Variants in RELN observed in about 807,000 individuals in gnomAD.
RELN encodes reelin.
RELN carries 108 observed loss-of-function variants against 427.6 expected under a neutral mutation model. The ratio of observed to expected loss-of-function variants is 0.25; its 90% confidence interval spans 0.22 to 0.30. RELN has a LOEUF of 0.30. RELN is among the 10% of genes least tolerant of loss of function. The probability of loss-of-function intolerance (pLI) is 1.00; values close to 1 mark genes in which losing one functional copy is unlikely to be tolerated. For synonymous variants in RELN, 1,524 were observed against 1,513.4 expected, an observed-to-expected ratio of 1.01 and a Z score of -0.16; for missense variants, 3,715 against 4,302.8, an observed-to-expected ratio of 0.86 and a Z score of 3.82.
At chr7:103,601,890 A>T (rs1317325829) in intron 24 of RELN, among the ~76,000 whole-genome samples, 22 of 152,164 alleles carry the variant, frequency 1.4e-4, no homozygotes, top group Admixed American at 1.2e-3. Flanking sequence ...CTGCATGCCT[A>T]ATCTGGTGCT....
At chr7:103,980,496 T>C (rs192453651) in intron 1 of RELN, among the ~76,000 whole-genome samples, 92 of 152,324 alleles carry the variant, frequency 6.0e-4, no homozygotes, top group African/African-American at 2.1e-3. Context: ...AGTTTTATTA[T>C]TTATTATTAT....
At chr7:103,744,029 C>A (rs1037181626) in intron 6 of RELN, among the ~76,000 whole-genome samples, 16 of 152,238 alleles carry the variant, frequency 1.1e-4, no homozygotes, top group African/African-American at 3.9e-4. Context: ...CACTCCTCAG[C>A]AAATGTAAAA....
At chr7:103,790,541 C>T (rs1443814542) in intron 3 of RELN, among the ~76,000 whole-genome samples, 1 of 152,084 alleles carries the variant, frequency 6.6e-6, no homozygotes, top group Non-Finnish European at 1.5e-5. Context: ...GTTTGTGTCC[C>T]ACCCTCCGCC....
In RELN at chr7:103,497,986, G is replaced by C. The variant is rs1353424280; in HGVS notation, c.8844-60C>G. The C allele has an allele frequency of 1.9e-6, 3 of 1,599,484 alleles. No homozygotes were observed. In the Admixed American group the frequency reaches 5.0e-5, roughly 27 times the overall value. On this transcript the variant is annotated intron_variant, in intron 54 of 64. Transcript: ENST00000428762. The stretch of plus-strand genomic sequence containing the variant: ...TCATTAGAACAAATACTCTACTCAA[G>C]TCCTGGATAATTTCTTCCATACAAG...
intron 17 of RELN, 79 bp from the exon 18 acceptor site, chr7:103,636,547 A>C: frequency 1.1e-6 from 1 of 910,686 alleles, no homozygotes; most frequent in Non-Finnish European, 1.8e-6. Context: ...GGGAGGAAGA[A>C]GTCCAGAGAC....
chr7:103,631,331 T>C (rs556967964), intron 19 of RELN, among the ~76,000 whole-genome samples: 3 of 130,588 alleles, frequency 2.3e-5, no homozygotes, highest in African/African-American at 8.6e-5. Context: ...TCTTGCGCTG[T>C]TGCCCAGGCT....
intron 51 of RELN, among the ~76,000 whole-genome samples, chr7:103,510,161 A>G (rs1481015499): frequency 6.6e-6 from 1 of 152,246 alleles, no homozygotes; most frequent in Non-Finnish European, 1.5e-5. Flanking sequence ...AGGATTATAA[A>G]TCATTCTACT....
intron 1 of RELN, among the ~76,000 whole-genome samples, chr7:103,937,051 T>C (rs922220321): frequency 6.6e-6 from 1 of 152,234 alleles, no homozygotes; most frequent in African/African-American, 2.4e-5. Context: ...TTTTCATCTT[T>C]ATTTTACCCT....
At chr7:103,891,633 T>A (rs1057366518) in intron 2 of RELN, among the ~76,000 whole-genome samples, 1 of 152,194 alleles carries the variant, frequency 6.6e-6, no homozygotes, top group Non-Finnish European at 1.5e-5. Flanking sequence ...TCACTTGGAA[T>A]TGTTGCACCT....
chr7:103,951,760 C>T (rs1796336564), intron 1 of RELN, among the ~76,000 whole-genome samples: 1 of 152,058 alleles, frequency 6.6e-6, no homozygotes, highest in South Asian at 2.1e-4. Context: ...GCAATCTCCA[C>T]CTCCCAGGTT....
intron 1 of RELN, among the ~76,000 whole-genome samples, chr7:103,976,761 T>A (rs1796887153): frequency 6.6e-6 from 1 of 152,134 alleles, no homozygotes; most frequent in Non-Finnish European, 1.5e-5. Context: ...AGCATTAGAA[T>A]GGTCAACCTC....
intron 24 of RELN, among the ~76,000 whole-genome samples, chr7:103,602,203 A>G (rs1831687054): frequency 6.6e-6 from 1 of 152,232 alleles, no homozygotes; most frequent in Admixed American, 6.5e-5. Flanking sequence ...TAATCTACAT[A>G]CTAACCCTCA....
At chr7:103,716,109 C>T (rs934851852) in intron 8 of RELN, among the ~76,000 whole-genome samples, 1 of 152,208 alleles carries the variant, frequency 6.6e-6, no homozygotes, top group African/African-American at 2.4e-5. Context: ...GTTCTTCCTA[C>T]AGGGTGCCAT....
At chr7:103,528,585 A>G (rs1416624934) in intron 46 of RELN, among the ~76,000 whole-genome samples, 1 of 151,966 alleles carries the variant, frequency 6.6e-6, no homozygotes, top group African/African-American at 2.4e-5. Flanking sequence ...CTGCAGTGCA[A>G]TGGCATGATC....
intron 2 of RELN, among the ~76,000 whole-genome samples, chr7:103,835,166 C>A (rs912002396): frequency 6.6e-6 from 1 of 152,078 alleles, no homozygotes; most frequent in Admixed American, 6.5e-5. Context: ...ACTTAATATG[C>A]GTATTACCAA....
chr7:103,744,802 C>T (rs1309602973), intron 6 of RELN, among the ~76,000 whole-genome samples: 3 of 95,262 alleles, frequency 3.1e-5, no homozygotes, highest in Admixed American at 1.9e-4. Context: ...AAGTCCAGGA[C>T]CAGATGGATT....
At chr7:103,545,756 C>G (rs1830282152) in intron 41 of RELN, among the ~76,000 whole-genome samples, 1 of 152,132 alleles carries the variant, frequency 6.6e-6, no homozygotes, top group African/African-American at 2.4e-5. Context: ...ATTCTCCTGC[C>G]TCAGCCTCCT....
intron 20 of RELN, among the ~76,000 whole-genome samples, chr7:103,612,081 A>G (rs907638247): frequency 2.6e-5 from 4 of 152,190 alleles, no homozygotes; most frequent in Admixed American, 6.5e-5. Flanking sequence ...CTTTTGACTC[A>G]TTAATCTCAC....
chr7:103,755,274 C>G (rs773485729), intron 4 of RELN, among the ~76,000 whole-genome samples: 1 of 151,836 alleles, frequency 6.6e-6, no homozygotes, highest in Non-Finnish European at 1.5e-5. Flanking sequence ...CGAGACCATC[C>G]TGGCTAACAC....
Sources: gnomAD v4.1 joint callset for allele counts (sites outside exome capture counted in the v4.1 genomes callset) on GRCh38, gnomAD v4.1.1 for gene constraint, MANE v1.5 for transcripts, NCBI Gene and HGNC (gene_info 2026-07-23, HGNC 2026-07-21) for gene names.